The following NEK10 variants were observed in gnomAD, a reference collection of about 807,000 sequenced individuals.
NEK10 encodes NIMA related kinase 10, also known as serine/threonine-protein kinase Nek10.
In NEK10, 122 loss-of-function variants were observed where a neutral mutation model predicts 159.8. The ratio of observed to expected loss-of-function variants is 0.76; its 90% CI spans 0.66 to 0.89. The LOEUF (loss-of-function observed/expected upper bound fraction) is 0.89. Ranked by LOEUF, NEK10 falls within the 40% of genes least tolerant of loss-of-function variation. The probability of loss-of-function intolerance (pLI) is 0.00; values close to 1 mark genes in which losing one functional copy is unlikely to be tolerated. For synonymous variants in NEK10, 466 were observed against 457.1 expected, an observed-to-expected ratio of 1.02 and a Z score of -0.25; for missense variants, 1,342 against 1,323.1, an observed-to-expected ratio of 1.01 and a Z score of -0.22.
chr3:27,292,790 A>T (rs1336727929), intron 16 of NEK10, among the ~76,000 whole-genome samples: 4 of 151,296 alleles, frequency 2.6e-5, no homozygotes, highest in Non-Finnish European at 5.9e-5. Flanking sequence ...AAAAAAGAGA[A>T]CTAATTTTAC....
chr3:27,261,985 C>T lies in NEK10; in HGVS notation c.2015-5614G>A, dbSNP rs529366034. On this transcript the variant is annotated intron_variant, in intron 22 of 35. Coordinates refer to ENST00000691995, the MANE Select transcript of NEK10 (RefSeq NM_001394966.1). ...CCCTTTACCATTATGTAATGGCCTTCTTTGTCTCTTTTGTTCTTTGTTGGT... is the reference window on the plus strand; with the variant it reads ...CCCTTTACCATTATGTAATGGCCTTTTTTGTCTCTTTTGTTCTTTGTTGGT... Among the ~76,000 whole-genome samples, 7 of 152,266 alleles carry T rather than the reference C, an allele frequency of 4.6e-5. No homozygotes were observed. In the South Asian group the frequency reaches 1.5e-3, roughly 32 times the overall value.
chr3:27,240,185 T>A (rs1466126000), intron 23 of NEK10, among the ~76,000 whole-genome samples: 2 of 152,186 alleles, frequency 1.3e-5, no homozygotes, highest in Non-Finnish European at 2.9e-5. Context: ...TACACTCCAG[T>A]CATCAAATGA....
chr3:27,275,889 T>C (rs1165214318), intron 22 of NEK10, among the ~76,000 whole-genome samples: 2 of 152,190 alleles, frequency 1.3e-5, no homozygotes, highest in African/African-American at 4.8e-5. Context: ...TTGGTGGCAT[T>C]CAAGAAAGTA....
At chr3:27,339,405 T>C (rs905713696) in intron 5 of NEK10, among the ~76,000 whole-genome samples, 1 of 152,118 alleles carries the variant, frequency 6.6e-6, no homozygotes, top group African/African-American at 2.4e-5. Context: ...AGCAGACACT[T>C]CTCAAAAGAA....
chr3:27,337,222 A>G, intron 5 of NEK10, among the ~76,000 whole-genome samples: 1 of 152,294 alleles, frequency 6.6e-6, no homozygotes, highest in African/African-American at 2.4e-5. Flanking sequence ...CCTATTTCCG[A>G]TAGCTACCAA....
At chr3:27,362,606 C>G (rs1305062325) in intron 1 of NEK10, among the ~76,000 whole-genome samples, 1 of 149,118 alleles carries the variant, frequency 6.7e-6, no homozygotes, top group Non-Finnish European at 1.5e-5. Flanking sequence ...TTTGCCATTA[C>G]TTTCAATGGC....
Position 27,109,387 on chromosome 3 carries a change from A to G in NEK10, c.*1885T>C, listed in dbSNP as rs1380803946. On this transcript the variant is annotated 3_prime_UTR_variant, in exon 36 of 36. Transcript: ENST00000691995. ...GAGTGAGACTCTGTCTTAAAAAAAAAAAAAAAAAAAAAGAGTTAGATGGAA... is the reference window on the plus strand; with the variant it reads ...GAGTGAGACTCTGTCTTAAAAAAAAGAAAAAAAAAAAAGAGTTAGATGGAA... Among the ~76,000 whole-genome samples the G allele has an allele frequency of 6.6e-6, 1 of 151,768 alleles. No homozygotes were observed. The highest frequency in any genetic ancestry group is 1.5e-5 in the Non-Finnish European group (1 of 67,888).
At chr3:27,309,322 A>C (rs1265635496) in intron 9 of NEK10, 1 of 164,628 alleles carries the variant, frequency 6.1e-6, no homozygotes, top group Non-Finnish European at 1.3e-5. Flanking sequence ...CAAGTTGTTT[A>C]TTTTATTATG....
intron 25 of NEK10, 125 bp downstream of exon 25, chr3:27,201,385 T>G: frequency 1.3e-6 from 1 of 777,910 alleles, no homozygotes; most frequent in Non-Finnish European, 2.1e-6. Context: ...ACAAACATCT[T>G]TCTAGATTTG....
At chr3:27,177,328 G>A (rs546565815) in intron 26 of NEK10, among the ~76,000 whole-genome samples, 9 of 152,192 alleles carry the variant, frequency 5.9e-5, no homozygotes, top group African/African-American at 2.2e-4. Context: ...TGGATCACGA[G>A]GTCAGGAGAT....
chr3:27,206,498 C>T (rs1398606778), intron 23 of NEK10: 2 of 747,904 alleles, frequency 2.7e-6, no homozygotes, highest in African/African-American at 1.9e-5. Flanking sequence ...TCCTTCCTCC[C>T]TCTCAGATAC....
At chr3:27,208,625 C>T (rs960884442) in intron 23 of NEK10, among the ~76,000 whole-genome samples, 3 of 152,130 alleles carry the variant, frequency 2.0e-5, no homozygotes, top group Non-Finnish European at 2.9e-5. Context: ...ATGATCCCCT[C>T]CTTCTCTAGG....
At position 27,110,034 on chromosome 3, in the gene NEK10, T is replaced by A. The variant is rs1335484481; in HGVS notation, c.*1238A>T. ...TGTAAATACATTGAACTAAAATCGATTCAATCATACTAAAAAAATTCAGTG... is the reference window on the plus strand; with the variant it reads ...TGTAAATACATTGAACTAAAATCGAATCAATCATACTAAAAAAATTCAGTG... On this transcript the variant is annotated 3_prime_UTR_variant, in exon 36 of 36. Transcript: ENST00000691995. 1 of 152,022 alleles carries A rather than the reference T, an allele frequency of 6.6e-6. No individual in the cohort carries two copies. Among genetic ancestry groups the A allele is most frequent in the African/African-American group, 2.4e-5 (1 of 41,432 alleles). The allele number at this position is 152,022 out of a possible 1,614,324, so 9.4% of individuals were successfully genotyped here.
intron 30 of NEK10, among the ~76,000 whole-genome samples, chr3:27,154,249 G>A (rs1477410507): frequency 1.3e-5 from 2 of 152,028 alleles, no homozygotes; most frequent in East Asian, 3.9e-4. Context: ...GCTTAAATCA[G>A]GAAGAATTAG....
intron 23 of NEK10, among the ~76,000 whole-genome samples, chr3:27,208,254 C>T (rs1950694037): frequency 6.6e-6 from 1 of 151,832 alleles, no homozygotes. Flanking sequence ...AAAAAGTGAG[C>T]AACATAATAT....
At chr3:27,162,356 G>A in intron 30 of NEK10, 1 of 1,498,522 alleles carries the variant, frequency 6.7e-7, no homozygotes, top group Middle Eastern at 2.4e-4. Context: ...TCCGCTCTTT[G>A]TATTAAAATT....
At chr3:27,245,542 C>T (rs1208073724) in intron 23 of NEK10, among the ~76,000 whole-genome samples, 2 of 152,178 alleles carry the variant, frequency 1.3e-5, no homozygotes, top group Non-Finnish European at 2.9e-5. Flanking sequence ...TCAACACGAA[C>T]TGCCTTATTA....
At chr3:27,331,257 A>C (rs996099616) in intron 5 of NEK10, among the ~76,000 whole-genome samples, 1 of 147,278 alleles carries the variant, frequency 6.8e-6, no homozygotes, top group Non-Finnish European at 1.5e-5. Context: ...AAAACAAAAA[A>C]AAAAAACACA....
chr3:27,253,282 T>C (rs776339782), intron 23 of NEK10, among the ~76,000 whole-genome samples: 2 of 152,208 alleles, frequency 1.3e-5, no homozygotes, highest in Non-Finnish European at 2.9e-5. Flanking sequence ...ATCCCATATA[T>C]GTTCTGTGAA....
Sources: allele counts gnomAD v4.1 joint callset (sites outside exome capture counted in the v4.1 genomes callset), GRCh38; gene constraint gnomAD v4.1.1; transcripts MANE v1.5; gene names NCBI Gene and HGNC (gene_info 2026-07-23, HGNC 2026-07-21).